The following RAP1GDS1 variants were observed in gnomAD, a reference collection of about 807,000 sequenced individuals.
RAP1GDS1 encodes the protein Rap1 GTPase-GDP dissociation stimulator 1, also known as RAP1, GTP-GDP dissociation stimulator 1.
A neutral mutation model predicts 71.1 loss-of-function variants in RAP1GDS1; 35 were observed. That is an observed-to-expected ratio of 0.49 (90% CI 0.38 to 0.65). The LOEUF (loss-of-function observed/expected upper bound fraction) is 0.65, where lower values mean the gene tolerates loss of function less well. Ranked by LOEUF, RAP1GDS1 falls within the 30% of genes least tolerant of loss-of-function variation. The pLI is 0.00. For synonymous variants in RAP1GDS1, 229 were observed against 243.1 expected, an observed-to-expected ratio of 0.94 and a Z score of 0.54; for missense variants, 663 against 706.1, an observed-to-expected ratio of 0.94 and a Z score of 0.69.
In RAP1GDS1 at chr4:98,436,983, T is replaced by G. The variant is rs752889811; in HGVS notation, c.1611T>G (p.Ile537Met). 2 of 1,612,350 alleles carry G rather than the reference T, an allele frequency of 1.2e-6. No individual in the cohort carries two copies. The highest frequency in any genetic ancestry group is 1.7e-6 in the Non-Finnish European group (2 of 1,179,526). Reference protein sequence around the residue: ...KDLESAKLVQILHRLLADERS... With the variant: ...KDLESAKLVQMLHRLLADERS... ...TAGAAAGTGCTAAACTTGTACAGATTTTACATAGACTGCTAGCAGATGAGA... is the reference window on the plus strand; with the variant it reads ...TAGAAAGTGCTAAACTTGTACAGATGTTACATAGACTGCTAGCAGATGAGA... The change falls in exon 14 of 15, where the codon ATT (isoleucine) becomes ATG (methionine). Residue 537 changes from isoleucine (I) to methionine (M), a missense_variant. Physicochemically the swap from Ile to Met is conservative, Grantham distance 10 (BLOSUM62 1). Transcript: ENST00000408927.
intron 2 of RAP1GDS1, among the ~76,000 whole-genome samples, chr4:98,299,178 A>G (rs927954742): frequency 6.6e-6 from 1 of 151,958 alleles, no homozygotes; most frequent in Non-Finnish European, 1.5e-5. Flanking sequence ...TGTCCTTGTG[A>G]TAGTTTGCTC....
At chr4:98,366,943 A>G (rs1167543225) in intron 4 of RAP1GDS1, among the ~76,000 whole-genome samples, 5 of 152,144 alleles carry the variant, frequency 3.3e-5, no homozygotes, top group Admixed American at 3.3e-4. Flanking sequence ...AGAAAATTCT[A>G]TTTTTCTGAG....
At chr4:98,296,147 C>A (rs1256732899) in intron 2 of RAP1GDS1, among the ~76,000 whole-genome samples, 2 of 151,872 alleles carry the variant, frequency 1.3e-5, no homozygotes, top group Non-Finnish European at 2.9e-5. Context: ...TGCACCTGAT[C>A]AGGAAAGAAA....
At chr4:98,376,562 T>G (rs1741213007) in intron 4 of RAP1GDS1, among the ~76,000 whole-genome samples, 1 of 152,048 alleles carries the variant, frequency 6.6e-6, no homozygotes, top group Non-Finnish European at 1.5e-5. Flanking sequence ...TATCATTTAT[T>G]CCTTTGAATC....
chr4:98,262,986 TTC>T (rs1722242698), intron 1 of RAP1GDS1, among the ~76,000 whole-genome samples: 1 of 152,218 alleles, frequency 6.6e-6, no homozygotes, highest in African/African-American at 2.4e-5. Flanking sequence ...CTGAACAAAT[TTC>T]TGTAAAAATT....
chr4:98,291,979 T>C (rs1472223859), intron 1 of RAP1GDS1, among the ~76,000 whole-genome samples: 1 of 152,184 alleles, frequency 6.6e-6, no homozygotes, highest in Non-Finnish European at 1.5e-5. Flanking sequence ...GTTAAAATAC[T>C]CACGTGTTTT....
At chr4:98,344,503 C>A (rs1735955691) in intron 3 of RAP1GDS1, among the ~76,000 whole-genome samples, 1 of 152,002 alleles carries the variant, frequency 6.6e-6, no homozygotes, top group Admixed American at 6.6e-5. Context: ...TTTTGGATAA[C>A]AGATTTTTGT....
At chr4:98,385,308 T>C (rs1399191801) in intron 5 of RAP1GDS1, among the ~76,000 whole-genome samples, 1 of 151,788 alleles carries the variant, frequency 6.6e-6, no homozygotes, top group African/African-American at 2.4e-5. Flanking sequence ...AGACCAGGTC[T>C]TTACTGTAAG....
At chr4:98,281,632 C>A (rs546270897) in intron 1 of RAP1GDS1, among the ~76,000 whole-genome samples, 1 of 152,322 alleles carries the variant, frequency 6.6e-6, no homozygotes, top group African/African-American at 2.4e-5. Context: ...CTGGCGAGAA[C>A]TTCCAACACT....
chr4:98,327,156 A>T (rs1454098578), intron 2 of RAP1GDS1, among the ~76,000 whole-genome samples: 1 of 152,160 alleles, frequency 6.6e-6, no homozygotes, highest in Non-Finnish European at 1.5e-5. Flanking sequence ...ACATTTTTTT[A>T]AAAATCTAAA....
At chr4:98,378,124 A>G (rs2110481143) in intron 4 of RAP1GDS1, among the ~76,000 whole-genome samples, 1 of 151,962 alleles carries the variant, frequency 6.6e-6, no homozygotes, top group East Asian at 1.9e-4. Flanking sequence ...TGGCTCACAC[A>G]TTTCTCTTGG....
chr4:98,371,092 T>C (rs1740302579), intron 4 of RAP1GDS1, among the ~76,000 whole-genome samples: 1 of 151,916 alleles, frequency 6.6e-6, no homozygotes, highest in Admixed American at 6.6e-5. Flanking sequence ...TAGGCATTTA[T>C]ACATCATTTA....
intron 1 of RAP1GDS1, among the ~76,000 whole-genome samples, chr4:98,285,574 A>C (rs1725843355): frequency 6.6e-6 from 1 of 152,012 alleles, no homozygotes; most frequent in Non-Finnish European, 1.5e-5. Context: ...GTTATCCCTG[A>C]TACTAATTTT....
At chr4:98,356,970 T>G (rs906260329) in intron 4 of RAP1GDS1, among the ~76,000 whole-genome samples, 2 of 151,876 alleles carry the variant, frequency 1.3e-5, no homozygotes, top group Non-Finnish European at 2.9e-5. Flanking sequence ...TAAAAATTCT[T>G]TATATAAAAA....
rs138641928 is a variant in RAP1GDS1, at chr4:98,434,709, G to C, written c.1567+647G>C. Among the ~76,000 whole-genome samples the C allele has an allele frequency of 7.4e-3, 1,107 of 150,596 alleles. 19 individuals carry two copies. The highest frequency in any genetic ancestry group is 0.026 in the African/African-American group (1,068 of 40,826). ...AATCTCAGCTCACTGCAACGTCCGC[G>C]TCCTGGGTTCAAGCAATTCTCGTGC... On this transcript the variant is annotated intron_variant, in intron 13 of 14. Transcript: ENST00000408927.
chr4:98,276,426 C>T (rs754860623), intron 1 of RAP1GDS1, among the ~76,000 whole-genome samples: 6 of 151,754 alleles, frequency 4.0e-5, no homozygotes, highest in Non-Finnish European at 8.8e-5. Flanking sequence ...GAGCAGGGTT[C>T]CCAAACTCAA....
chr4:98,351,731 A>ACTGTGGTG (rs1167049960), intron 3 of RAP1GDS1, among the ~76,000 whole-genome samples: 34 of 152,100 alleles, frequency 2.2e-4, no homozygotes, highest in African/African-American at 8.2e-4. Flanking sequence ...TCCAATCATG[A>ACTGTGGTG]CTGTGGTGGT....
intron 12 of RAP1GDS1, among the ~76,000 whole-genome samples, chr4:98,429,697 C>A (rs150228637): frequency 6.6e-6 from 1 of 152,112 alleles, no homozygotes. Context: ...AAGAAAGCTA[C>A]GAATTTGTGT....
chr4:98,344,825 G>GT (rs1735990932), intron 3 of RAP1GDS1, among the ~76,000 whole-genome samples: 1 of 151,852 alleles, frequency 6.6e-6, no homozygotes. Context: ...GAGTGTTTTT[G>GT]TTTGTTTGTT....
Sources: allele counts gnomAD v4.1 joint callset (sites outside exome capture counted in the v4.1 genomes callset), GRCh38; gene constraint gnomAD v4.1.1; transcripts MANE v1.5; gene names NCBI Gene and HGNC (gene_info 2026-07-23, HGNC 2026-07-21).